Variants in RABGAP1L observed in about 807,000 individuals in gnomAD.
RABGAP1L encodes the protein rab GTPase-activating protein 1-like.
RABGAP1L carries 63 observed loss-of-function variants against 137.7 expected under a neutral mutation model. The ratio of observed to expected loss-of-function variants is 0.46; its 90% CI spans 0.37 to 0.56. RABGAP1L has a LOEUF of 0.56. Among genes scored for constraint, RABGAP1L ranks in the 20% least tolerant of loss-of-function variants. RABGAP1L has a pLI of 0.00. For missense variants in RABGAP1L, 1,095 were observed against 1,244.0 expected (o/e 0.88, Z 1.80); for synonymous variants, 431 against 433.7 (o/e 0.99, Z 0.08).
chr1:174,896,504 A>G lies in RABGAP1L; in HGVS notation c.2341-60953A>G, dbSNP rs540051059. ...ATTGCTTTTGGTGTTTTAGACATGA[A>G]GTCGTTGCCCATGCCTATGTCCTGA... is the stretch of plus-strand genomic sequence containing the variant. On this transcript the variant is annotated intron_variant, in intron 19 of 25. Transcript: ENST00000681986. Among the ~76,000 whole-genome samples the G allele has an allele frequency of 7.9e-5, 12 of 152,266 alleles. No individual in the cohort carries two copies. The East Asian group carries it at 1.9e-3, about 24-fold the overall frequency.
At chr1:174,911,953 A>G (rs1471730114) in intron 19 of RABGAP1L, among the ~76,000 whole-genome samples, 3 of 152,242 alleles carry the variant, frequency 2.0e-5, no homozygotes, top group Non-Finnish European at 4.4e-5. Flanking sequence ...GAATCTGGAC[A>G]GATCAGCTCA....
intron 11 of RABGAP1L, among the ~76,000 whole-genome samples, chr1:174,327,982 CACACATATATATATAT>C (rs1400259680): frequency 1.6e-4 from 4 of 24,758 alleles, no homozygotes; most frequent in Non-Finnish European, 3.1e-4. Flanking sequence ...TATATATACA[CACACATATATATATAT>C]ATATATATAT....
chr1:174,618,278 C>G (rs538811341), intron 13 of RABGAP1L, among the ~76,000 whole-genome samples: 3 of 152,276 alleles, frequency 2.0e-5, no homozygotes, highest in Admixed American at 6.5e-5. Flanking sequence ...CCTGTCTGAC[C>G]GCTTTGAAGA....
intron 1 of RABGAP1L, among the ~76,000 whole-genome samples, chr1:174,216,635 T>TC (rs1319702040): frequency 6.6e-6 from 1 of 151,634 alleles, no homozygotes; most frequent in Admixed American, 6.6e-5. Context: ...CATTTATTCT[T>TC]CCTTTTATCA....
At chr1:174,347,501 T>G (rs573480605) in intron 11 of RABGAP1L, among the ~76,000 whole-genome samples, 17 of 151,296 alleles carry the variant, frequency 1.1e-4, no homozygotes, top group Admixed American at 3.3e-4. Context: ...GTGTGTGTGT[T>G]TTTTTCTTTG....
chr1:174,878,925 GTTTTTTTTTT>G (rs869251284), intron 19 of RABGAP1L, among the ~76,000 whole-genome samples: 3 of 85,184 alleles, frequency 3.5e-5, no homozygotes, highest in Non-Finnish European at 4.3e-5. Context: ...TTTGTGCATT[GTTTTTTTTTT>G]TTTTTTTTTT....
intron 22 of RABGAP1L, among the ~76,000 whole-genome samples, chr1:174,977,865 T>G (rs1182796607): frequency 2.6e-5 from 4 of 151,552 alleles, no homozygotes; most frequent in Admixed American, 2.0e-4. Context: ...GCTTTTAGAA[T>G]TTTAGAATCT....
intron 14 of RABGAP1L, among the ~76,000 whole-genome samples, chr1:174,645,977 C>A (rs1043998329): frequency 6.6e-6 from 1 of 152,050 alleles, no homozygotes; most frequent in Non-Finnish European, 1.5e-5. Flanking sequence ...AGCTTTTTTT[C>A]ATATGTTTGT....
intron 19 of RABGAP1L, among the ~76,000 whole-genome samples, chr1:174,924,733 T>A (rs1662423840): frequency 6.6e-6 from 1 of 152,174 alleles, no homozygotes; most frequent in African/African-American, 2.4e-5. Context: ...TATGATGACC[T>A]TCCTTAAGCC....
intron 13 of RABGAP1L, among the ~76,000 whole-genome samples, chr1:174,467,761 C>A (rs908008141): frequency 1.3e-5 from 2 of 152,038 alleles, no homozygotes; most frequent in African/African-American, 4.8e-5. Flanking sequence ...TGTCTGACAC[C>A]AAAACCATAT....
At chr1:174,528,899 T>C (rs1052158843) in intron 13 of RABGAP1L, among the ~76,000 whole-genome samples, 1 of 151,720 alleles carries the variant, frequency 6.6e-6, no homozygotes, top group South Asian at 2.1e-4. Flanking sequence ...TTTTTTATTC[T>C]TTTTTATTTT....
rs1302392785 is a variant in RABGAP1L, at chr1:174,448,742, C to T, written c.1710+54597C>T. Reference sequence around the variant, plus strand: ...TTTTACTGGCTTTATTGTTTGTTTACTTTATGCTCCTGCTGCCTTTGTTGT... The same window carrying T: ...TTTTACTGGCTTTATTGTTTGTTTATTTTATGCTCCTGCTGCCTTTGTTGT... On this transcript the variant is annotated intron_variant, in intron 13 of 25. Transcript: ENST00000681986. This position sits in a 1 kb window ranked among gnomAD's most constrained non-coding sequence, Gnocchi z 4.2. The T allele has an allele frequency of 6.2e-7, 1 of 1,613,888 alleles. No individual in the cohort carries two copies. The highest frequency in any genetic ancestry group is 1.7e-5 in the Admixed American group (1 of 59,984).
chr1:174,633,413 G>A (rs1238075942), intron 13 of RABGAP1L, among the ~76,000 whole-genome samples: 1 of 151,094 alleles, frequency 6.6e-6, no homozygotes, highest in Non-Finnish European at 1.5e-5. Context: ...AACATTCCAT[G>A]CTCATGAGTA....
At chr1:174,865,694 G>A (rs151307304) in intron 19 of RABGAP1L, among the ~76,000 whole-genome samples, 171 of 152,174 alleles carry the variant, frequency 1.1e-3, no homozygotes, top group African/African-American at 3.9e-3. Flanking sequence ...CCACCCACTC[G>A]GGAGCTGCGG....
At chr1:174,414,960 G>C (rs2149142221) in intron 13 of RABGAP1L, among the ~76,000 whole-genome samples, 1 of 152,004 alleles carries the variant, frequency 6.6e-6, no homozygotes, top group Middle Eastern at 3.4e-3. Flanking sequence ...GTGAATTTAA[G>C]ATTATTGTTG....
intron 12 of RABGAP1L, among the ~76,000 whole-genome samples, chr1:174,372,976 T>C (rs1487103281): frequency 6.6e-6 from 1 of 152,238 alleles, no homozygotes; most frequent in Non-Finnish European, 1.5e-5. Context: ...AGCCATTCTA[T>C]TGAAATGATG....
chr1:174,468,715 T>C (rs1240436833), intron 13 of RABGAP1L, among the ~76,000 whole-genome samples: 2 of 150,672 alleles, frequency 1.3e-5, no homozygotes, highest in Non-Finnish European at 3.0e-5. Flanking sequence ...ATCTACCTCT[T>C]TCTCTCTCTC....
intron 19 of RABGAP1L, among the ~76,000 whole-genome samples, chr1:174,816,239 G>A (rs866281431): frequency 1.2e-4 from 15 of 129,990 alleles, no homozygotes; most frequent in African/African-American, 3.4e-4. Flanking sequence ...TGCAACCTCC[G>A]CCTCCCGGAT....
intron 1 of RABGAP1L, among the ~76,000 whole-genome samples, chr1:174,166,744 A>G (rs994897318): frequency 2.6e-5 from 4 of 152,230 alleles, no homozygotes; most frequent in African/African-American, 9.6e-5. Flanking sequence ...GTCGATTTGA[A>G]GAAGCCTTGC....
Sources: allele counts gnomAD v4.1 joint callset (sites outside exome capture counted in the v4.1 genomes callset), GRCh38; gene constraint gnomAD v4.1.1; non-coding constraint Gnocchi (gnomAD v3.1); transcripts MANE v1.5; gene names NCBI Gene and HGNC (gene_info 2026-07-23, HGNC 2026-07-21).